Variants in SLIT3 observed in about 807,000 individuals in gnomAD.
SLIT3 encodes slit homolog 3 protein.
SLIT3 carries 68 observed loss-of-function variants against 184.0 expected under a neutral mutation model. That is an observed-to-expected ratio of 0.37 (90% CI 0.30 to 0.45). The LOEUF is 0.45. Among genes scored for constraint, SLIT3 ranks in the 20% least tolerant of loss-of-function variants. The pLI is 1.00. For missense variants in SLIT3, 1,707 were observed against 2,026.0 expected, an observed-to-expected ratio of 0.84 and a Z score of 3.02; for synonymous variants, 831 against 828.6, an observed-to-expected ratio of 1.00 and a Z score of -0.05.
intron 30 of SLIT3, 46 bp downstream of exon 30, chr5:168,686,933 C>T: frequency 6.3e-7 from 1 of 1,598,800 alleles, no homozygotes. Flanking sequence ...CAGCCCCTGC[C>T]ACCTGGCCCA....
intron 4 of SLIT3, among the ~76,000 whole-genome samples, chr5:169,081,590 G>T (rs1759060045): frequency 6.6e-6 from 1 of 152,110 alleles, no homozygotes; most frequent in Non-Finnish European, 1.5e-5. Context: ...AGGAGAAGGG[G>T]ATGCTAGGCT....
In SLIT3 at chr5:168,837,464, G is replaced by T. The variant is rs553664442; in HGVS notation, c.557+7120C>A. On this transcript the variant is annotated intron_variant, in intron 6 of 35. Transcript: ENST00000519560. ...AGAAAGAAAGATCACCATTTAGCCA[G>T]AGAAATGCAAAATCAAAGGTAATGT... Among the ~76,000 whole-genome samples the T allele has an allele frequency of 3.3e-5, 5 of 152,326 alleles. No individual in the cohort carries two copies. The South Asian group carries it at 1.0e-3, about 32-fold the overall frequency.
chr5:169,225,652 C>A (rs1242102482), intron 3 of SLIT3, among the ~76,000 whole-genome samples: 1 of 152,164 alleles, frequency 6.6e-6, no homozygotes, highest in African/African-American at 2.4e-5. Flanking sequence ...GGAAGGCTTC[C>A]CGGAGGAAGT....
chr5:168,940,125 G>T (rs1762285898), intron 4 of SLIT3, among the ~76,000 whole-genome samples: 1 of 152,224 alleles, frequency 6.6e-6, no homozygotes, highest in South Asian at 2.1e-4. Flanking sequence ...AGATGCGGGT[G>T]ATAAATGCTA....
intron 4 of SLIT3, among the ~76,000 whole-genome samples, chr5:169,159,607 C>T (rs1280810091): frequency 6.6e-6 from 1 of 151,462 alleles, no homozygotes; most frequent in Non-Finnish European, 1.5e-5. Context: ...AACCCCGTCT[C>T]TACTAAAAAT....
chr5:168,850,048 C>T (rs1050503675), intron 5 of SLIT3, among the ~76,000 whole-genome samples: 2 of 151,998 alleles, frequency 1.3e-5, no homozygotes, highest in African/African-American at 4.8e-5. Flanking sequence ...CATTTGTCTG[C>T]TGCTAGCTGG....
chr5:168,909,986 A>G (rs900237650), intron 4 of SLIT3, among the ~76,000 whole-genome samples: 1 of 152,250 alleles, frequency 6.6e-6, no homozygotes, highest in Non-Finnish European at 1.5e-5. Flanking sequence ...TAAATTTGTT[A>G]CAAATCTGCA....
intron 13 of SLIT3, 117 bp downstream of exon 13, chr5:168,774,118 G>A: frequency 1.0e-6 from 1 of 965,944 alleles, no homozygotes; most frequent in South Asian, 1.7e-5. Flanking sequence ...TTCCCTGCAG[G>A]CTCTAGAACT....
chr5:168,992,442 G>A (rs1461546694), intron 4 of SLIT3, among the ~76,000 whole-genome samples: 1 of 152,216 alleles, frequency 6.6e-6, no homozygotes, highest in African/African-American at 2.4e-5. Context: ...GGCTAATTAA[G>A]CTGGATTTAT....
intron 4 of SLIT3, among the ~76,000 whole-genome samples, chr5:168,999,927 A>G (rs1755644792): frequency 6.6e-6 from 1 of 152,206 alleles, no homozygotes; most frequent in Admixed American, 6.5e-5. Context: ...GGCTTGGAGT[A>G]GGGAGATGAC....
intron 4 of SLIT3, among the ~76,000 whole-genome samples, chr5:169,131,787 G>A (rs1761306087): frequency 1.3e-5 from 2 of 152,208 alleles, no homozygotes; most frequent in Non-Finnish European, 1.5e-5. Context: ...AATTGAGGCT[G>A]TAAAGCAAAA....
At chr5:169,152,323 A>T (rs1041896202) in intron 4 of SLIT3, among the ~76,000 whole-genome samples, 4 of 152,164 alleles carry the variant, frequency 2.6e-5, no homozygotes, top group Non-Finnish European at 4.4e-5. Context: ...GAAAGCAAAT[A>T]CCTGCAGTGA....
chr5:169,132,439 C>T (rs971277002), intron 4 of SLIT3, among the ~76,000 whole-genome samples: 1 of 152,146 alleles, frequency 6.6e-6, no homozygotes, highest in African/African-American at 2.4e-5. Flanking sequence ...GAACATACAA[C>T]TATTAAAATT....
At chr5:169,255,982 G>A (rs1352048481) in intron 1 of SLIT3, among the ~76,000 whole-genome samples, 2 of 152,172 alleles carry the variant, frequency 1.3e-5, no homozygotes, top group African/African-American at 2.4e-5. Context: ...CAAGTCAACA[G>A]TAGTGAATAG....
chr5:169,207,370 TACACACAC>T (rs56721949), intron 3 of SLIT3, among the ~76,000 whole-genome samples: 2,664 of 131,866 alleles, frequency 0.02, 56 homozygotes, highest in African/African-American at 0.053. Context: ...TACACATACA[TACACACAC>T]ACACACACAC....
rs1554151402 is a variant in SLIT3 at position 168,872,640 on chromosome 5, C to CTTCTTTT, written c.485+10624_485+10625insAAAAGAA. Among the ~76,000 whole-genome samples the CTTCTTTT allele has an allele frequency of 7.7e-4, 87 of 112,442 alleles. 1 individual carries two copies. Among genetic ancestry groups the CTTCTTTT allele is most frequent in the Non-Finnish European group, 1.2e-3 (66 of 55,864 alleles). The allele number at this position is 112,442 out of a possible 152,430, so 73.8% of individuals were successfully genotyped here. The stretch of plus-strand genomic sequence containing the variant: ...TTCTTCTTTTCTTCTTCTTCTTCTT[C>CTTCTTTT]TTTTTTTTTTTTTTTTGAGACAGAG... On this transcript the variant is annotated intron_variant, in intron 5 of 35. Transcript: ENST00000519560.
intron 3 of SLIT3, among the ~76,000 whole-genome samples, chr5:169,211,886 G>A (rs1764277935): frequency 6.6e-6 from 1 of 152,170 alleles, no homozygotes; most frequent in Admixed American, 6.5e-5. Context: ...AACATGTGGT[G>A]TTTGGTTTTC....
chr5:169,095,879 T>C (rs939332173), intron 4 of SLIT3, among the ~76,000 whole-genome samples: 2 of 152,218 alleles, frequency 1.3e-5, no homozygotes, highest in African/African-American at 4.8e-5. Context: ...TTACAAACAA[T>C]ACTTTTTAAA....
chr5:169,183,896 TA>T (rs1763248257), intron 4 of SLIT3, among the ~76,000 whole-genome samples: 1 of 152,224 alleles, frequency 6.6e-6, no homozygotes. Context: ...CAAAGCATTG[TA>T]AAGTCACAGC....
Sources: allele counts gnomAD v4.1 joint callset (sites outside exome capture counted in the v4.1 genomes callset), GRCh38; gene constraint gnomAD v4.1.1; transcripts MANE v1.5; gene names NCBI Gene and HGNC (gene_info 2026-07-23, HGNC 2026-07-21).